ZNF138: variants seen among roughly 807,000 people sequenced by gnomAD.
ZNF138 encodes zinc finger protein 138.
A neutral mutation model predicts 33.0 loss-of-function variants in ZNF138; 33 were observed. That is an observed-to-expected ratio of 1.00 (90% CI 0.76 to 1.34). The LOEUF (loss-of-function observed/expected upper bound fraction) is 1.34. Ranked by LOEUF, ZNF138 falls within the 40% of genes most tolerant of loss-of-function variation. The pLI is 0.00. For missense variants in ZNF138, 360 were observed against 370.8 expected, an observed-to-expected ratio of 0.97 and a Z score of 0.24; for synonymous variants, 139 against 120.4, an observed-to-expected ratio of 1.15 and a Z score of -1.01.
intron 3 of ZNF138, among the ~76,000 whole-genome samples, chr7:64,828,182 G>GGT (rs1554369265): frequency 1.3e-5 from 2 of 150,944 alleles, no homozygotes; most frequent in Non-Finnish European, 3.0e-5. Flanking sequence ...CATAATTCTG[G>GGT]TTTTTTTTTA....
the ZNF138 span, among the ~76,000 whole-genome samples, chr7:64,851,800 G>A: frequency 1.3e-5 from 2 of 152,134 alleles, no homozygotes; most frequent in Admixed American, 6.5e-5. Flanking sequence ...TCTTCAAAGT[G>A]TTTTCCAAGC....
downstream of ZNF138, chr7:64,833,745 G>T (rs1254004535): frequency 6.6e-6 from 1 of 151,844 alleles, no homozygotes; most frequent in African/African-American, 2.4e-5. Flanking sequence ...TTTTTTAAAT[G>T]AGACTACGTA....
the ZNF138 span, among the ~76,000 whole-genome samples, chr7:64,845,862 C>T: frequency 6.6e-6 from 1 of 152,070 alleles, no homozygotes; most frequent in Non-Finnish European, 1.5e-5. Flanking sequence ...TTTCCTCCCA[C>T]TCTGGGTTTT....
At chr7:64,829,896 T>C (rs979525923) in intron 3 of ZNF138, among the ~76,000 whole-genome samples, 1 of 152,104 alleles carries the variant, frequency 6.6e-6, no homozygotes, top group African/African-American at 2.4e-5. Context: ...ATGTGTTGCT[T>C]TCTTGCATTG....
intron 1 of ZNF138, among the ~76,000 whole-genome samples, chr7:64,795,985 G>A (rs115664488): frequency 3.4e-3 from 513 of 152,186 alleles, no homozygotes; most frequent in African/African-American, 0.012. Flanking sequence ...GAATGCCCTG[G>A]GGCTGAGAGG....
intron 1 of ZNF138, among the ~76,000 whole-genome samples, chr7:64,799,899 C>T (rs952366949): frequency 6.6e-5 from 10 of 152,250 alleles, no homozygotes; most frequent in East Asian, 1.9e-4. Flanking sequence ...CCACCCACCT[C>T]GGCCTCCCAA....
chr7:64,838,657 G>A (rs375876667), downstream of ZNF138, among the ~76,000 whole-genome samples: 7 of 152,142 alleles, frequency 4.6e-5, no homozygotes, highest in Admixed American at 2.0e-4. Flanking sequence ...GGGGCCCTCC[G>A]CTGCCTCATC....
the ZNF138 span, among the ~76,000 whole-genome samples, chr7:64,839,388 C>T: frequency 1.3e-5 from 2 of 152,292 alleles, no homozygotes; most frequent in African/African-American, 4.8e-5. Flanking sequence ...ACAGCAGAAG[C>T]GTCCTTCTGG....
At chr7:64,817,537 C>G (rs1275012895) in intron 3 of ZNF138, among the ~76,000 whole-genome samples, 1 of 152,168 alleles carries the variant, frequency 6.6e-6, no homozygotes, top group Non-Finnish European at 1.5e-5. Context: ...GACATGGGGT[C>G]TTGCTACATA....
At chr7:64,831,104 TG>T in intron 3 of ZNF138, 1 of 1,547,884 alleles carries the variant, frequency 6.5e-7, no homozygotes, top group Non-Finnish European at 8.7e-7. Flanking sequence ...TCTTGCCTTT[TG>T]AAAAAGAAAC....
chr7:64,803,272 T>C (rs549249266), intron 1 of ZNF138, among the ~76,000 whole-genome samples: 8 of 151,570 alleles, frequency 5.3e-5, no homozygotes, highest in African/African-American at 1.7e-4. Flanking sequence ...TTTTTTTTTT[T>C]TTTTCATTTA....
At chr7:64,853,457 A>G in the ZNF138 span, 1 of 640,430 alleles carries the variant, frequency 1.6e-6, no homozygotes. Context: ...CCCCGAGTTA[A>G]ACTTTTTTCT....
At chr7:64,812,571 G>T (rs1388958617) in intron 1 of ZNF138, among the ~76,000 whole-genome samples, 1 of 152,048 alleles carries the variant, frequency 6.6e-6, no homozygotes, top group Non-Finnish European at 1.5e-5. Flanking sequence ...AGTAGAAATT[G>T]CAGAGAAGAG....
intron 3 of ZNF138, among the ~76,000 whole-genome samples, chr7:64,823,476 C>T (rs1789329661): frequency 6.6e-6 from 1 of 152,064 alleles, no homozygotes; most frequent in African/African-American, 2.4e-5. Context: ...GCTGTGACTA[C>T]AGACATGCAC....
At chr7:64,794,984 T>G (rs1476597682) in intron 1 of ZNF138, among the ~76,000 whole-genome samples, 1 of 152,126 alleles carries the variant, frequency 6.6e-6, no homozygotes, top group Non-Finnish European at 1.5e-5. Flanking sequence ...AAAAATTAAT[T>G]TAATCAAACA....
At chr7:64,858,439 G>C in the ZNF138 span, among the ~76,000 whole-genome samples, 2 of 152,160 alleles carry the variant, frequency 1.3e-5, no homozygotes, top group Admixed American at 1.3e-4. Context: ...AAAACCATAA[G>C]GGATAATGTG....
At chr7:64,856,034 G>C in the ZNF138 span, among the ~76,000 whole-genome samples, 1 of 4,560 alleles carries the variant, frequency 2.2e-4, no homozygotes, top group African/African-American at 2.3e-4. Context: ...AGGAGCGTCT[G>C]CGCCCGGCCG....
At chr7:64,799,673 C>T (rs1242547113) in intron 1 of ZNF138, among the ~76,000 whole-genome samples, 7 of 149,390 alleles carry the variant, frequency 4.7e-5, no homozygotes, top group African/African-American at 1.5e-4. Context: ...GATGGAGTTT[C>T]GCTCTTGTTG....
At chr7:64,835,565 T>A (rs1790343652), downstream of ZNF138, 1 of 151,996 alleles carries the variant, frequency 6.6e-6, no homozygotes, top group Non-Finnish European at 1.5e-5. Flanking sequence ...CTTGGATCTT[T>A]TTTTTTTAAA....
Sources: allele counts gnomAD v4.1 joint callset (sites outside exome capture counted in the v4.1 genomes callset), GRCh38; gene constraint gnomAD v4.1.1; transcripts MANE v1.5; gene names NCBI Gene and HGNC (gene_info 2026-07-23, HGNC 2026-07-21).